Variants in ZNF33B observed in about 807,000 individuals in gnomAD.
ZNF33B encodes zinc finger protein 11b (KOX 2).
Under a neutral mutation model 45.8 loss-of-function variants are expected in ZNF33B, and 29 were observed. The observed-to-expected ratio is 0.63, with a 90% confidence interval of 0.47 to 0.86. The LOEUF (loss-of-function observed/expected upper bound fraction) is 0.86. Ranked by LOEUF, ZNF33B falls within the 40% of genes least tolerant of loss-of-function variation. The pLI is 0.00. For synonymous variants in ZNF33B, 305 were observed against 307.8 expected (o/e 0.99, Z 0.10); for missense variants, 831 against 909.9 (o/e 0.91, Z 1.12).
rs2132103419 is a variant in ZNF33B at position 42,613,807 on chromosome 10, C to T, written c.250+18122G>A. Among the ~76,000 whole-genome samples the T allele has an allele frequency of 1.3e-5, 2 of 152,278 alleles. 1 individual carries two copies. Among genetic ancestry groups the T allele is most frequent in the South Asian group, 4.1e-4 (2 of 4,828 alleles). On this transcript the variant is annotated intron_variant, in intron 4 of 4. Coordinates refer to ENST00000359467, the MANE Select transcript of ZNF33B (RefSeq NM_006955.3). The stretch of plus-strand genomic sequence containing the variant: ...TCCCTGTTCTGTCAGCTGAGACAGC[C>T]ACACCCTACTGCTGTAAGCACACCA...
At chr10:42,627,246 C>T (rs562262681) in intron 4 of ZNF33B, among the ~76,000 whole-genome samples, 220 of 152,258 alleles carry the variant, frequency 1.4e-3, no homozygotes, top group Non-Finnish European at 2.5e-3. Context: ...TCAGGTGATC[C>T]GCCTGCCTTG....
chr10:42,610,003 G>A (rs1838033777), intron 4 of ZNF33B, among the ~76,000 whole-genome samples: 1 of 151,858 alleles, frequency 6.6e-6, no homozygotes, highest in East Asian at 1.9e-4. Context: ...ACAAAAACAA[G>A]ATAAGAATGC....
chr10:42,580,116 CATG>C (rs1436296768), intron 1 of ZNF33B, among the ~76,000 whole-genome samples: 3 of 152,142 alleles, frequency 2.0e-5, no homozygotes, highest in Admixed American at 6.5e-5. Flanking sequence ...TCACCATGAT[CATG>C]ATAAGTTGTC....
At chr10:42,583,174 G>A (rs769381339) in intron 1 of ZNF33B, 135 of 765,262 alleles carry the variant, frequency 1.8e-4, no homozygotes, top group Non-Finnish European at 3.0e-4. Context: ...GTCTGTCTTA[G>A]GGTTGATGTG....
At position 42,593,389 on chromosome 10, in the gene ZNF33B, C is replaced by G. The variant is rs1421658277; in HGVS notation, c.1561G>C (p.Gly521Arg). 1 of 1,613,732 alleles carries G rather than the reference C, an allele frequency of 6.2e-7. No homozygotes were observed. The highest frequency in any genetic ancestry group is 8.5e-7 in the Non-Finnish European group (1 of 1,179,970). Residue 521 changes from glycine to arginine, a missense_variant, in exon 5 of 5, where the codon GGG becomes CGG. Coordinates refer to ENST00000359467, the MANE Select transcript of ZNF33B (RefSeq NM_006955.3). ...TCATAACATTCATAAGGTTTCAACCCTGTATGAATTATCTGATGCCTGGTG... is the reference window on the plus strand; with the variant it reads ...TCATAACATTCATAAGGTTTCAACCGTGTATGAATTATCTGATGCCTGGTG... ...VLTRHQIIHT[G>R]LKPYECYECG...
At chr10:42,581,238 C>A (rs553244550) in intron 1 of ZNF33B, among the ~76,000 whole-genome samples, 36 of 151,830 alleles carry the variant, frequency 2.4e-4, no homozygotes, top group African/African-American at 8.7e-4. Context: ...GTAATCCCAG[C>A]GCTTTTGGAG....
chr10:42,608,644 G>A (rs1339083825), intron 4 of ZNF33B, among the ~76,000 whole-genome samples: 2 of 152,118 alleles, frequency 1.3e-5, no homozygotes, highest in Non-Finnish European at 2.9e-5. Context: ...ATAAAGCAAT[G>A]CTTAGAGAGA....
At chr10:42,632,128 T>TG in intron 3 of ZNF33B, 104 bp from the exon 4 acceptor site, 1 of 1,483,282 alleles carries the variant, frequency 6.7e-7, no homozygotes, top group Non-Finnish European at 9.3e-7. Context: ...CAGTGGAACA[T>TG]TTTCACTGGA....
chr10:42,601,908 CT>C (rs34431290), intron 4 of ZNF33B, among the ~76,000 whole-genome samples: 21,867 of 75,050 alleles, frequency 0.29, 2,002 homozygotes, highest in Middle Eastern at 0.39. Context: ...ATGTGATATT[CT>C]TTTTTTTTTT....
chr10:42,588,263 C>A (rs1242918403), downstream of ZNF33B, among the ~76,000 whole-genome samples: 2 of 152,196 alleles, frequency 1.3e-5, no homozygotes, highest in Non-Finnish European at 2.9e-5. Flanking sequence ...TTGTCCTGCA[C>A]ACAAGAGCAT....
chr10:42,607,009 A>G (rs1229395802), intron 4 of ZNF33B, among the ~76,000 whole-genome samples: 6 of 152,146 alleles, frequency 3.9e-5, no homozygotes, highest in Non-Finnish European at 7.3e-5. Context: ...CATGTTGAGC[A>G]TGTTGGCACT....
intron 1 of ZNF33B, chr10:42,583,140 A>G (rs544614124): frequency 1.3e-6 from 1 of 787,714 alleles, no homozygotes; most frequent in African/African-American, 1.7e-5. Flanking sequence ...GGGAGTAAGC[A>G]TGGTGAGAAC....
rs552354183 is a variant in ZNF33B at position 42,589,618 on chromosome 10, G to A, written c.*2995C>T. On this transcript the variant is annotated 3_prime_UTR_variant, in exon 5 of 5. Coordinates refer to ENST00000359467, the MANE Select transcript of ZNF33B (RefSeq NM_006955.3). ...GTTCCTATATGTCTTTTAATGACTT[G>A]ATGTCTAATTCTTTTTTATCATATA... The A allele has an allele frequency of 6.6e-6, 1 of 152,148 alleles. No homozygotes were observed. The highest frequency in any genetic ancestry group is 1.9e-4 in the East Asian group (1 of 5,178). 9.4% of individuals were successfully genotyped at this position (152,148 alleles called of 1,614,324 possible).
At chr10:42,577,615 G>T (rs1433966186) in intron 1 of ZNF33B, among the ~76,000 whole-genome samples, 4 of 151,512 alleles carry the variant, frequency 2.6e-5, no homozygotes, top group Non-Finnish European at 5.9e-5. Context: ...ACTTGACAGA[G>T]AATTCAGTGG....
At chr10:42,587,091 A>T (rs1286086785), downstream of ZNF33B, among the ~76,000 whole-genome samples, 1 of 152,182 alleles carries the variant, frequency 6.6e-6, no homozygotes, top group African/African-American at 2.4e-5. Flanking sequence ...GCTGGCTCCT[A>T]AGATCACTAA....
At chr10:42,612,530 C>T (rs925113180) in intron 4 of ZNF33B, among the ~76,000 whole-genome samples, 2 of 152,044 alleles carry the variant, frequency 1.3e-5, no homozygotes, top group African/African-American at 4.8e-5. Context: ...TCCACTGCAC[C>T]CAGCCAGATT....
chr10:42,628,568 T>C (rs1325798342), intron 4 of ZNF33B, among the ~76,000 whole-genome samples: 1 of 152,224 alleles, frequency 6.6e-6, no homozygotes, highest in Admixed American at 6.5e-5. Flanking sequence ...CTTTTATCAT[T>C]ATATAATGTT....
At chr10:42,614,736 A>T (rs1434948987) in intron 4 of ZNF33B, among the ~76,000 whole-genome samples, 2 of 152,050 alleles carry the variant, frequency 1.3e-5, no homozygotes, top group African/African-American at 4.8e-5. Flanking sequence ...CGGGTGGATC[A>T]TGAGGTCAGG....
At chr10:42,630,136 G>A (rs1343668071) in intron 4 of ZNF33B, among the ~76,000 whole-genome samples, 1 of 152,022 alleles carries the variant, frequency 6.6e-6, no homozygotes, top group Non-Finnish European at 1.5e-5. Flanking sequence ...TCTATTTAGA[G>A]AACTTTTAGT....
Sources: gnomAD v4.1 joint callset for allele counts (sites outside exome capture counted in the v4.1 genomes callset) on GRCh38, gnomAD v4.1.1 for gene constraint, MANE v1.5 for transcripts, NCBI Gene and HGNC (gene_info 2026-07-23, HGNC 2026-07-21) for gene names.